The following SPEF2 variants were observed in gnomAD, a reference collection of about 807,000 sequenced individuals.
The protein encoded by SPEF2 is sperm flagellar and cilia associated 2, also known as sperm flagella and cilia-associated protein 2.
Under a neutral mutation model 224.6 loss-of-function variants are expected in SPEF2, and 187 were observed. That is an observed-to-expected ratio of 0.83 (90% CI 0.74 to 0.94). The LOEUF (loss-of-function observed/expected upper bound fraction) is 0.94, where lower values mean the gene tolerates loss of function less well. SPEF2 is among the 40% of genes least tolerant of loss of function. The pLI is 0.00. For synonymous variants in SPEF2, 715 were observed against 707.3 expected (o/e 1.01, Z -0.17); for missense variants, 2,170 against 2,135.6 (o/e 1.02, Z -0.32).
At chr5:35,631,136 G>A (rs1745051952) in intron 2 of SPEF2, among the ~76,000 whole-genome samples, 1 of 152,166 alleles carries the variant, frequency 6.6e-6, no homozygotes, top group Non-Finnish European at 1.5e-5. Flanking sequence ...ATGGTGGAAG[G>A]CAAGGAGGAG....
chr5:35,771,748 A>G lies in SPEF2; in HGVS notation c.3941A>G (p.Lys1314Arg). 1.3e-6 allele frequency: 2 copies of G among 1,588,386 alleles called. No individual in the cohort carries two copies. The highest frequency in any genetic ancestry group is 2.3e-5 in the South Asian group (2 of 85,126). ...CCCAAGAAAAAACAGGAAGACAAAAAACCCAAAGGTATTTATGGTTTTAGC... is the reference window on the plus strand; with the variant it reads ...CCCAAGAAAAAACAGGAAGACAAAAGACCCAAAGGTATTTATGGTTTTAGC... ...EPPKKKQEDK[K>R]PKGKSPPMAE... is the part of the protein sequence containing the mutation. Residue 1314 changes from lysine (K) to arginine (R), a missense_variant, in exon 27 of 37, where the codon AAA becomes AGA. Physicochemically the swap from Lys to Arg is conservative, Grantham distance 26. Transcript: ENST00000356031.
Position 35,641,636 on chromosome 5 carries a change from C to T in SPEF2, c.367C>T (p.Leu123=). Residue 123 remains leucine, a synonymous_variant, in exon 3 of 37, where the codon CTG becomes TTG. Transcript: ENST00000356031. ...AGTGGAGATGCAAACCATGCAACGT[C>T]TGACAAATTTAAGACTTCAAAACAT... The part of the protein sequence containing the change: ...TGVEMQTMQR[L]TNLRLQNMKS... 1 of 1,613,468 alleles carries T rather than the reference C, an allele frequency of 6.2e-7. No individual in the cohort carries two copies. The highest frequency in any genetic ancestry group is 1.3e-5 in the African/African-American group (1 of 74,948).
intron 29 of SPEF2, among the ~76,000 whole-genome samples, chr5:35,778,340 G>A (rs757231547): frequency 2.2e-4 from 33 of 152,146 alleles, no homozygotes; most frequent in Non-Finnish European, 3.2e-4. Context: ...CCGTATATGA[G>A]TTCACATTAA....
At chr5:35,764,615 A>G (rs1395913943) in intron 26 of SPEF2, 2 of 456,080 alleles carry the variant, frequency 4.4e-6, no homozygotes, top group Admixed American at 2.4e-5. Context: ...GAAATATCGC[A>G]TTCAAACAGA....
At chr5:35,689,492 C>T (rs1754135237) in intron 10 of SPEF2, among the ~76,000 whole-genome samples, 1 of 152,110 alleles carries the variant, frequency 6.6e-6, no homozygotes, top group South Asian at 2.1e-4. Flanking sequence ...AGCTTTTTAG[C>T]CCTTGCACTC....
chr5:35,700,459 T>G (rs1738380458), intron 15 of SPEF2, 37 bp from the exon 16 acceptor site: 1 of 1,572,582 alleles, frequency 6.4e-7, no homozygotes, highest in Non-Finnish European at 8.6e-7. Context: ...TACTTGTGTC[T>G]AACAAAATAT....
chr5:35,629,452 C>T (rs1321561114), intron 2 of SPEF2, among the ~76,000 whole-genome samples: 6 of 151,906 alleles, frequency 3.9e-5, no homozygotes, highest in Non-Finnish European at 5.9e-5. Flanking sequence ...CCACCGCGCC[C>T]GGCCTGTTCC....
intron 20 of SPEF2, among the ~76,000 whole-genome samples, chr5:35,727,229 A>G (rs751195698): frequency 6.6e-6 from 1 of 152,066 alleles, no homozygotes; most frequent in Non-Finnish European, 1.5e-5. Context: ...GACTCTTATA[A>G]CATCCTCCTT....
In SPEF2 at chr5:35,633,825, A is replaced by G. The variant is rs573560976; in HGVS notation, c.161+5263A>G. On this transcript the variant is annotated intron_variant, in intron 2 of 36. Coordinates refer to ENST00000356031, the MANE Select transcript of SPEF2 (RefSeq NM_024867.4). Reference sequence around the variant, plus strand: ...TTTTTGAGTCAGTTTCTTAGTTTTCATGAAGATTACAATTAATATTTTAAT... The same window carrying G: ...TTTTTGAGTCAGTTTCTTAGTTTTCGTGAAGATTACAATTAATATTTTAAT... Among the ~76,000 whole-genome samples, 69 of 151,878 alleles carry G rather than the reference A, an allele frequency of 4.5e-4. 1 individual carries two copies. In the South Asian group the frequency reaches 6.9e-3, roughly 15 times the overall value.
intron 36 of SPEF2, chr5:35,807,638 G>T (rs1455322770): frequency 6.5e-7 from 1 of 1,535,114 alleles, no homozygotes; most frequent in South Asian, 1.2e-5. Context: ...AATCACGCAA[G>T]GTACACATCA....
chr5:35,754,619 T>C (rs1294536863), intron 24 of SPEF2, among the ~76,000 whole-genome samples: 2 of 152,218 alleles, frequency 1.3e-5, no homozygotes, highest in Non-Finnish European at 2.9e-5. Context: ...GAGAAAGACA[T>C]TCTTTCCTGG....
At chr5:35,664,038 T>G (rs1421146255) in intron 8 of SPEF2, among the ~76,000 whole-genome samples, 1 of 152,194 alleles carries the variant, frequency 6.6e-6, no homozygotes, top group Non-Finnish European at 1.5e-5. Context: ...ACAAGTCATT[T>G]CTTCTACTTT....
chr5:35,734,689 T>C (rs1746234821), intron 21 of SPEF2, among the ~76,000 whole-genome samples: 1 of 142,958 alleles, frequency 7.0e-6, no homozygotes, highest in South Asian at 2.3e-4. Context: ...ACTTAGTATG[T>C]GAATTGCTTT....
At chr5:35,789,442 A>G (rs1247913546) in intron 30 of SPEF2, 1 of 680,396 alleles carries the variant, frequency 1.5e-6, no homozygotes, top group Non-Finnish European at 2.7e-6. Flanking sequence ...TATCTGCCAG[A>G]TGTTTCTTCA....
chr5:35,760,037 C>T (rs532655252), intron 25 of SPEF2, among the ~76,000 whole-genome samples: 2 of 152,076 alleles, frequency 1.3e-5, no homozygotes, highest in Non-Finnish European at 2.9e-5. Context: ...AATTCTGAAA[C>T]ACTTTTGGCC....
intron 10 of SPEF2, among the ~76,000 whole-genome samples, chr5:35,672,715 C>CATT (rs1217421289): frequency 6.6e-6 from 1 of 151,718 alleles, no homozygotes; most frequent in Non-Finnish European, 1.5e-5. Context: ...TTATAATGAA[C>CATT]ATTATGTTCA....
chr5:35,662,500 C>G (rs1413638058), intron 8 of SPEF2, among the ~76,000 whole-genome samples: 1 of 152,132 alleles, frequency 6.6e-6, no homozygotes, highest in African/African-American at 2.4e-5. Flanking sequence ...GAAATCTTTG[C>G]CCGTGCTTAT....
At position 35,814,511 on chromosome 5, in the gene SPEF2, T is replaced by C. The variant is rs748984636; in HGVS notation, c.5427T>C (p.Asp1809=). The change falls in exon 37 of 37, where the codon GAT becomes GAC. Residue 1809 remains aspartate, a synonymous_variant. Coordinates refer to ENST00000356031, the MANE Select transcript of SPEF2 (RefSeq NM_024867.4). ...GGAGTGAACATGTACAAGGAAGTGA[T>C]GGAGAGAGATCACCTTCAAGACATA... ...LQRSEHVQGS[D]GERSPSRHTE... 81 of 1,609,600 alleles carry C rather than the reference T, an allele frequency of 5.0e-5. No homozygotes were observed. Among genetic ancestry groups the C allele is most frequent in the South Asian group, 6.6e-5 (6 of 90,282 alleles).
chr5:35,789,134 T>C (rs1244406650), intron 30 of SPEF2: 1 of 702,778 alleles, frequency 1.4e-6, no homozygotes, highest in Admixed American at 2.0e-5. Context: ...ATAACCACTA[T>C]GTTGTTCCCA....
Sources: gnomAD v4.1 joint callset for allele counts (sites outside exome capture counted in the v4.1 genomes callset) on GRCh38, gnomAD v4.1.1 for gene constraint, MANE v1.5 for transcripts, NCBI Gene and HGNC (gene_info 2026-07-23, HGNC 2026-07-21) for gene names.